Variants in GRIN2B observed in about 807,000 individuals in gnomAD.
The protein encoded by GRIN2B is glutamate ionotropic receptor NMDA type subunit 2B, also known as glutamate receptor ionotropic, NMDA 2B.
In GRIN2B, 5 loss-of-function variants were observed where a neutral mutation model predicts 114.5. That is an observed-to-expected ratio of 0.04 (90% CI 0.02 to 0.09). GRIN2B has a LOEUF of 0.09. Ranked by LOEUF, GRIN2B falls within the 10% of genes least tolerant of loss-of-function variation. The pLI, the probability that GRIN2B is intolerant of heterozygous loss-of-function variation, is 1.00. For synonymous variants in GRIN2B, 787 were observed against 745.1 expected (o/e 1.06, Z -0.92); for missense variants, 1,108 against 1,943.5 (o/e 0.57, Z 8.08).
In GRIN2B at chr12:13,552,709, T is replaced by TTAAC. The variant is rs1415533023; in HGVS notation, c.*10070_*10073dup. The TTAAC allele has an allele frequency of 6.6e-6, 1 of 152,118 alleles. No individual in the cohort carries two copies. Among genetic ancestry groups the TTAAC allele is most frequent in the African/African-American group, 2.4e-5 (1 of 41,410 alleles). The allele number at this position is 152,118 out of a possible 1,614,324, so 9.4% of individuals were successfully genotyped here. On this transcript the variant is annotated 3_prime_UTR_variant, in exon 14 of 14. Transcript: ENST00000609686. ...ATGAAATGGGTTTTGCTCTAAAATA[T>TTAAC]TAACTATTCTCATTTTCAGGAGCAA...
At chr12:13,837,513 T>C (rs1420829650) in intron 3 of GRIN2B, among the ~76,000 whole-genome samples, 2 of 152,164 alleles carry the variant, frequency 1.3e-5, no homozygotes, top group Non-Finnish European at 2.9e-5. Flanking sequence ...GACAGAGTGT[T>C]TAGTGAGGTA....
chr12:13,956,961 T>C (rs1461646109), intron 2 of GRIN2B, among the ~76,000 whole-genome samples: 1 of 152,198 alleles, frequency 6.6e-6, no homozygotes, highest in African/African-American at 2.4e-5. Flanking sequence ...TCAATTTATC[T>C]AGGGCGAGAA....
intron 5 of GRIN2B, among the ~76,000 whole-genome samples, chr12:13,623,001 A>G (rs1395737085): frequency 2.6e-5 from 4 of 152,216 alleles, no homozygotes; most frequent in African/African-American, 7.2e-5. Context: ...CTAACACTGT[A>G]TGGCCCTGCA....
At chr12:13,759,233 T>A (rs921215731) in intron 3 of GRIN2B, among the ~76,000 whole-genome samples, 1 of 151,940 alleles carries the variant, frequency 6.6e-6, no homozygotes, top group African/African-American at 2.4e-5. Flanking sequence ...ATGGTCTCCA[T>A]CTCCTGACAT....
At chr12:13,846,879 A>G (rs1865481635) in intron 3 of GRIN2B, among the ~76,000 whole-genome samples, 2 of 152,198 alleles carry the variant, frequency 1.3e-5, no homozygotes, top group Non-Finnish European at 2.9e-5. Context: ...AACATTGGTA[A>G]AAATAAAAAA....
chr12:13,828,602 A>C (rs542140859), intron 3 of GRIN2B, among the ~76,000 whole-genome samples: 1 of 152,304 alleles, frequency 6.6e-6, no homozygotes, highest in East Asian at 1.9e-4. Flanking sequence ...ATTGAACCTC[A>C]GTCCTGGAAT....
intron 3 of GRIN2B, among the ~76,000 whole-genome samples, chr12:13,821,852 C>A (rs143400042): frequency 6.6e-6 from 1 of 152,128 alleles, no homozygotes; most frequent in African/African-American, 2.4e-5. Flanking sequence ...AAACTTAAAG[C>A]GAAGAAAATA....
intron 4 of GRIN2B, among the ~76,000 whole-genome samples, chr12:13,752,521 T>C (rs1485903824): frequency 6.6e-6 from 1 of 152,242 alleles, no homozygotes; most frequent in Non-Finnish European, 1.5e-5. Context: ...TTTGAATTTT[T>C]ATAATGTACT....
chr12:13,684,038 T>G (rs1308984353), intron 4 of GRIN2B, among the ~76,000 whole-genome samples: 6 of 152,134 alleles, frequency 3.9e-5, no homozygotes, highest in African/African-American at 1.4e-4. Context: ...TACTACCAGT[T>G]CAGTATATTC....
chr12:13,786,577 A>G (rs1194949359), intron 3 of GRIN2B, among the ~76,000 whole-genome samples: 1 of 152,104 alleles, frequency 6.6e-6, no homozygotes, highest in Non-Finnish European at 1.5e-5. Flanking sequence ...CAGACCTGCC[A>G]TTGGCCGTGG....
At chr12:13,903,448 A>C (rs905231281) in intron 2 of GRIN2B, among the ~76,000 whole-genome samples, 1 of 152,136 alleles carries the variant, frequency 6.6e-6, no homozygotes, top group Non-Finnish European at 1.5e-5. Flanking sequence ...AATTCGAAAT[A>C]GTTTCTAAAC....
intron 5 of GRIN2B, among the ~76,000 whole-genome samples, chr12:13,669,456 G>A (rs1950004197): frequency 6.6e-6 from 1 of 152,004 alleles, no homozygotes; most frequent in African/African-American, 2.4e-5. Flanking sequence ...AGTAAAAATA[G>A]CATGTTGTCA....
intron 2 of GRIN2B, among the ~76,000 whole-genome samples, chr12:13,910,339 T>C (rs1866608960): frequency 6.6e-6 from 1 of 152,164 alleles, no homozygotes; most frequent in Admixed American, 6.5e-5. Flanking sequence ...CAAGAATCTA[T>C]GTCTCTAAAA....
chr12:13,866,329 T>C, intron 2 of GRIN2B, 103 bp from the exon 3 acceptor site: 1 of 993,436 alleles, frequency 1.0e-6, no homozygotes, highest in Non-Finnish European at 1.5e-6. Context: ...CTCCTTTCAT[T>C]GAGCACCAAA....
intron 10 of GRIN2B, among the ~76,000 whole-genome samples, chr12:13,590,823 A>G (rs927815888): frequency 7.2e-5 from 11 of 152,156 alleles, no homozygotes; most frequent in Admixed American, 3.3e-4. Flanking sequence ...GTGAGAAACC[A>G]TTTCCTTGGG....
chr12:13,743,057 C>A (rs1249726901), intron 4 of GRIN2B, among the ~76,000 whole-genome samples: 1 of 152,170 alleles, frequency 6.6e-6, no homozygotes, highest in African/African-American at 2.4e-5. Flanking sequence ...CAGCTCTGGA[C>A]AGACCACCTA....
chr12:13,839,314 T>G (rs1865340363), intron 3 of GRIN2B, among the ~76,000 whole-genome samples: 1 of 151,796 alleles, frequency 6.6e-6, no homozygotes, highest in Admixed American at 6.6e-5. Flanking sequence ...TGAATGAGAG[T>G]GATGGAGCCC....
chr12:13,833,602 C>T (rs138361859), intron 3 of GRIN2B, among the ~76,000 whole-genome samples: 6 of 152,272 alleles, frequency 3.9e-5, no homozygotes, highest in East Asian at 1.9e-4. Flanking sequence ...TGACCTAAAA[C>T]GAGGCTGTCA....
At chr12:13,754,343 C>A (rs1327531841) in intron 3 of GRIN2B, among the ~76,000 whole-genome samples, 2 of 152,196 alleles carry the variant, frequency 1.3e-5, no homozygotes, top group Non-Finnish European at 2.9e-5. Flanking sequence ...AATGCACATG[C>A]CCACACAGAC....
Sources: allele counts gnomAD v4.1 joint callset (sites outside exome capture counted in the v4.1 genomes callset), GRCh38; gene constraint gnomAD v4.1.1; transcripts MANE v1.5; gene names NCBI Gene and HGNC (gene_info 2026-07-23, HGNC 2026-07-21).